The following KALRN variants were observed in gnomAD, a reference collection of about 807,000 sequenced individuals.
The protein encoded by KALRN is kalirin.
KALRN carries 70 observed loss-of-function variants against 353.7 expected under a neutral mutation model. That is an observed-to-expected ratio of 0.20 (90% CI 0.16 to 0.24). The LOEUF (loss-of-function observed/expected upper bound fraction) is 0.24. Among genes scored for constraint, KALRN ranks in the 10% least tolerant of loss-of-function variants. KALRN has a pLI of 1.00. For missense variants in KALRN, 2,791 were observed against 3,756.7 expected (o/e 0.74, Z 6.72); for synonymous variants, 1,391 against 1,434.8 (o/e 0.97, Z 0.69).
intron 3 of KALRN, among the ~76,000 whole-genome samples, chr3:124,250,768 G>A (rs989113294): frequency 5.3e-5 from 8 of 152,142 alleles, no homozygotes; most frequent in Non-Finnish European, 1.0e-4. Flanking sequence ...GGCTATGTGG[G>A]TTTTGGTTTC....
intron 1 of KALRN, among the ~76,000 whole-genome samples, chr3:124,065,887 G>T (rs1450476507): frequency 6.6e-6 from 1 of 152,228 alleles, no homozygotes; most frequent in East Asian, 1.9e-4. Context: ...AGGAAGTTGA[G>T]ATTTCAAGCT....
rs763572629 is a variant in KALRN at position 124,268,937 on chromosome 3, G to A, written c.651G>A (p.Glu217=). 1 of 1,614,162 alleles carries A rather than the reference G, an allele frequency of 6.2e-7. No individual in the cohort carries two copies. The highest frequency in any genetic ancestry group is 2.2e-5 in the East Asian group (1 of 44,870). The change falls in exon 5 of 60, where the codon GAG becomes GAA. Residue 217 remains glutamate, a synonymous_variant. Transcript: ENST00000682506. ...TCCAGGAGATGCTAGCCCGGAAGGA[G>A]TTTCCTGTGGATGTGGAGGGCTCTC... The part of the protein sequence containing the change: ...EDLQEMLARK[E]FPVDVEGSRR...
chr3:124,065,924 C>T (rs1239929557), intron 1 of KALRN, among the ~76,000 whole-genome samples: 1 of 152,170 alleles, frequency 6.6e-6, no homozygotes, highest in Non-Finnish European at 1.5e-5. Flanking sequence ...GAGAACATAA[C>T]TTTTCTGGAA....
chr3:124,197,478 G>A (rs1316165898), intron 1 of KALRN, among the ~76,000 whole-genome samples: 3 of 152,198 alleles, frequency 2.0e-5, no homozygotes, highest in Non-Finnish European at 4.4e-5. Flanking sequence ...GTAGATCCCA[G>A]ATTCTACCAA....
At chr3:124,678,061 T>G (rs1578901059) in intron 49 of KALRN, 129 bp from the exon 50 acceptor site, 1 of 951,552 alleles carries the variant, frequency 1.1e-6, no homozygotes, top group Non-Finnish European at 1.6e-6. Context: ...GGTGTGCAGG[T>G]TTGGGGCCTC....
chr3:124,216,214 C>A (rs2077314404), intron 1 of KALRN, among the ~76,000 whole-genome samples: 2 of 152,182 alleles, frequency 1.3e-5, no homozygotes, highest in Admixed American at 1.3e-4. Flanking sequence ...GCTAAGGAAT[C>A]AAATCATTTC....
intron 59 of KALRN, among the ~76,000 whole-genome samples, chr3:124,717,817 C>CTTTTTTT (rs202085010): frequency 6.6e-6 from 1 of 151,756 alleles, no homozygotes; most frequent in Non-Finnish European, 1.5e-5. Context: ...AATATTATAA[C>CTTTTTTT]TTTTTTTTAT....
At chr3:124,498,595 A>G (rs2108598079) in intron 33 of KALRN, among the ~76,000 whole-genome samples, 1 of 152,358 alleles carries the variant, frequency 6.6e-6, no homozygotes, top group Admixed American at 6.5e-5. Flanking sequence ...AGAAAGATCA[A>G]ATCCCAACTA....
chr3:124,452,119 G>T (rs1010365258), intron 21 of KALRN, among the ~76,000 whole-genome samples: 1 of 152,296 alleles, frequency 6.6e-6, no homozygotes, highest in African/African-American at 2.4e-5. Flanking sequence ...CCAGGCATTT[G>T]GCAGGTCATG....
At chr3:124,154,553 A>C (rs1328978739) in intron 1 of KALRN, among the ~76,000 whole-genome samples, 1 of 152,230 alleles carries the variant, frequency 6.6e-6, no homozygotes, top group Non-Finnish European at 1.5e-5. Flanking sequence ...CCAACTTACA[A>C]GGGACTTGAA....
intron 34 of KALRN, among the ~76,000 whole-genome samples, chr3:124,582,286 G>C (rs1453295913): frequency 1.3e-5 from 2 of 152,194 alleles, no homozygotes; most frequent in Non-Finnish European, 1.5e-5. Context: ...CTCCCAAAGT[G>C]CTGGGATTAC....
At chr3:124,482,491 G>A (rs1300079901) in intron 27 of KALRN, among the ~76,000 whole-genome samples, 5 of 151,024 alleles carry the variant, frequency 3.3e-5, no homozygotes, top group South Asian at 4.2e-4. Flanking sequence ...CTTACCCTCC[G>A]CTCTGTTATT....
At chr3:124,528,885 A>G (rs557295383) in intron 33 of KALRN, among the ~76,000 whole-genome samples, 95 of 152,222 alleles carry the variant, frequency 6.2e-4, no homozygotes, top group African/African-American at 1.6e-3. Context: ...GTTATTTTCT[A>G]TTTTCTTGGA....
chr3:124,579,067 C>A (rs996239649), intron 34 of KALRN, among the ~76,000 whole-genome samples: 3 of 152,130 alleles, frequency 2.0e-5, no homozygotes, highest in Admixed American at 1.3e-4. Context: ...TAGTAAAATT[C>A]TTTTCCTGTC....
chr3:124,390,514 A>T (rs976855609), intron 11 of KALRN, among the ~76,000 whole-genome samples: 5 of 152,192 alleles, frequency 3.3e-5, no homozygotes, highest in African/African-American at 1.2e-4. Flanking sequence ...AAGAGAGATG[A>T]TGGCTTTAAG....
At chr3:124,277,539 T>C (rs1394342154) in intron 5 of KALRN, among the ~76,000 whole-genome samples, 1 of 152,240 alleles carries the variant, frequency 6.6e-6, no homozygotes, top group Non-Finnish European at 1.5e-5. Context: ...AAAAATAATC[T>C]AAGTCACCGT....
chr3:124,667,690 A>T (rs1037898024), intron 47 of KALRN, among the ~76,000 whole-genome samples: 6 of 152,216 alleles, frequency 3.9e-5, no homozygotes, highest in African/African-American at 1.4e-4. Context: ...GATGATTGCT[A>T]ACTTTAAATT....
At chr3:124,455,026 T>G in intron 21 of KALRN, 151 bp from the exon 22 acceptor site, 1 of 706,832 alleles carries the variant, frequency 1.4e-6, no homozygotes, top group Non-Finnish European at 2.4e-6. Context: ...TTGCTCGAGA[T>G]CTCCCAGTTA....
At chr3:124,540,093 T>C (rs916127750) in intron 33 of KALRN, among the ~76,000 whole-genome samples, 11 of 152,264 alleles carry the variant, frequency 7.2e-5, no homozygotes, top group Admixed American at 5.9e-4. Context: ...TGTTAATTTT[T>C]GTATTTTTTA....
Sources: allele counts gnomAD v4.1 joint callset (sites outside exome capture counted in the v4.1 genomes callset), GRCh38; gene constraint gnomAD v4.1.1; transcripts MANE v1.5; gene names NCBI Gene and HGNC (gene_info 2026-07-23, HGNC 2026-07-21).